The following IMMP2L variants were observed in gnomAD, a reference collection of about 807,000 sequenced individuals.
IMMP2L encodes inner mitochondrial membrane peptidase subunit 2.
Under a neutral mutation model 19.3 loss-of-function variants are expected in IMMP2L, and 18 were observed. The observed-to-expected ratio is 0.93, with a 90% CI of 0.64 to 1.38. IMMP2L has a LOEUF of 1.38. Ranked by LOEUF, IMMP2L falls within the 40% of genes most tolerant of loss-of-function variation. IMMP2L has a pLI of 0.00. For synonymous variants in IMMP2L, 76 were observed against 73.0 expected (o/e 1.04, Z -0.21); for missense variants, 233 against 218.2 (o/e 1.07, Z -0.43).
chr7:111,232,255 T>C (rs955319364), intron 3 of IMMP2L, among the ~76,000 whole-genome samples: 1 of 151,884 alleles, frequency 6.6e-6, no homozygotes, highest in African/African-American at 2.4e-5. Context: ...CTTAGACTCA[T>C]GTATAGAATG....
At chr7:111,191,908 T>A (rs1003873100) in intron 3 of IMMP2L, among the ~76,000 whole-genome samples, 2 of 152,038 alleles carry the variant, frequency 1.3e-5, no homozygotes, top group African/African-American at 4.8e-5. Flanking sequence ...AGGAACTATG[T>A]AGTAGACGCA....
At chr7:111,489,875 AT>A (rs905550114) in intron 2 of IMMP2L, among the ~76,000 whole-genome samples, 15 of 151,470 alleles carry the variant, frequency 9.9e-5, no homozygotes, top group African/African-American at 2.9e-4. Flanking sequence ...CAACAAATAA[AT>A]TTTTTTTTGA....
chr7:110,779,230 AAAGG>A lies in IMMP2L; in HGVS notation c.408+107359_408+107362del, dbSNP rs1469870598. ...ACAGTCTGATATATAAGTAACAAAT[AAAGG>A]AAGAGATTCTACTAGTTATTCTTAT... On this transcript the variant is annotated intron_variant, in intron 5 of 5. Coordinates refer to ENST00000405709, the MANE Select transcript of IMMP2L (RefSeq NM_032549.4). Among the ~76,000 whole-genome samples the A allele has an allele frequency of 4.6e-5, 7 of 151,730 alleles. No homozygotes were observed. The East Asian group carries it at 1.4e-3, about 29-fold the overall frequency.
At chr7:110,674,357 A>G (rs746510748) in intron 5 of IMMP2L, among the ~76,000 whole-genome samples, 1 of 152,148 alleles carries the variant, frequency 6.6e-6, no homozygotes, top group Non-Finnish European at 1.5e-5. Flanking sequence ...AATTCAAGAT[A>G]TGATTTGGGT....
chr7:111,511,323 T>A (rs933017044), intron 2 of IMMP2L, among the ~76,000 whole-genome samples: 2 of 151,980 alleles, frequency 1.3e-5, no homozygotes, highest in Admixed American at 1.3e-4. Flanking sequence ...TAGGGAATCC[T>A]GCAACCTGTA....
chr7:110,830,673 T>C (rs1229734047), intron 5 of IMMP2L, among the ~76,000 whole-genome samples: 1 of 152,072 alleles, frequency 6.6e-6, no homozygotes, highest in Non-Finnish European at 1.5e-5. Context: ...TTGAGAGTCA[T>C]AGTATGGAAT....
At chr7:110,835,304 T>C (rs948753317) in intron 5 of IMMP2L, among the ~76,000 whole-genome samples, 1 of 152,186 alleles carries the variant, frequency 6.6e-6, no homozygotes, top group Non-Finnish European at 1.5e-5. Flanking sequence ...TCATTATATG[T>C]TAAAGAATAA....
rs149117645 is a variant in IMMP2L at position 110,868,780 on chromosome 7, T to C, written c.408+17813A>G. On this transcript the variant is annotated intron_variant, in intron 5 of 5. Transcript: ENST00000405709. Reference sequence around the variant, plus strand: ...TATCTGGTGCTTTTTACACATACAATTTTCCTTGAATCCACTAGCCTGTCT... The same window carrying C: ...TATCTGGTGCTTTTTACACATACAACTTTCCTTGAATCCACTAGCCTGTCT... 5.8e-3 allele frequency among the ~76,000 whole-genome samples: 888 copies of C among 152,172 alleles called. 6 individuals carry two copies. The highest frequency in any genetic ancestry group is 0.021 in the African/African-American group (857 of 41,534).
intron 5 of IMMP2L, among the ~76,000 whole-genome samples, chr7:110,673,544 A>C (rs1462560965): frequency 3.9e-5 from 6 of 152,220 alleles, no homozygotes; most frequent in African/African-American, 1.4e-4. Context: ...ATCAGGCTGC[A>C]AATTCTCCAA....
At position 110,969,118 on chromosome 7, in the gene IMMP2L, AGGT is replaced by A. The variant is rs1819869698; in HGVS notation, c.240-5556_240-5554del. On this transcript the variant is annotated intron_variant, in intron 3 of 5. Coordinates refer to ENST00000405709, the MANE Select transcript of IMMP2L (RefSeq NM_032549.4). Reference sequence around the variant, plus strand: ...TAACTGAATCCATATTGAAAAGCACAGGTTTATTTTAAATTAGATAGGTATTAT... The same window carrying A: ...TAACTGAATCCATATTGAAAAGCACATTATTTTAAATTAGATAGGTATTAT... 2.6e-5 allele frequency among the ~76,000 whole-genome samples: 4 copies of A among 152,238 alleles called. No individual in the cohort carries two copies. In the South Asian group the frequency reaches 8.3e-4, roughly 32 times the overall value.
At chr7:111,079,457 T>C (rs1795705033) in intron 3 of IMMP2L, among the ~76,000 whole-genome samples, 1 of 152,210 alleles carries the variant, frequency 6.6e-6, no homozygotes, top group Non-Finnish European at 1.5e-5. Flanking sequence ...ACTATACAAA[T>C]TGGCATTTAC....
At chr7:111,002,146 T>G (rs1398750327) in intron 3 of IMMP2L, among the ~76,000 whole-genome samples, 4 of 151,986 alleles carry the variant, frequency 2.6e-5, no homozygotes, top group Non-Finnish European at 5.9e-5. Flanking sequence ...ATGAAGAGAC[T>G]CTCTGAGGTA....
intron 5 of IMMP2L, among the ~76,000 whole-genome samples, chr7:110,813,591 C>T (rs1483289583): frequency 2.6e-5 from 4 of 151,752 alleles, no homozygotes; most frequent in African/African-American, 9.7e-5. Context: ...CCACACCTGG[C>T]CTATTTTTTC....
At chr7:110,737,467 T>G (rs1417616398) in intron 5 of IMMP2L, among the ~76,000 whole-genome samples, 3 of 152,124 alleles carry the variant, frequency 2.0e-5, no homozygotes, top group Non-Finnish European at 2.9e-5. Flanking sequence ...GGAATATAAC[T>G]GCATTGGACT....
At chr7:111,107,209 C>T (rs1028246542) in intron 3 of IMMP2L, among the ~76,000 whole-genome samples, 1 of 151,928 alleles carries the variant, frequency 6.6e-6, no homozygotes, top group Admixed American at 6.6e-5. Context: ...TTCCTTCTCT[C>T]TTTCCTCTCC....
intron 3 of IMMP2L, among the ~76,000 whole-genome samples, chr7:111,419,162 G>A (rs189220657): frequency 2.3e-3 from 349 of 151,652 alleles, no homozygotes; most frequent in Non-Finnish European, 4.1e-3. Flanking sequence ...GTAGAATAAT[G>A]TTATTCCAAT....
At chr7:110,718,304 G>T (rs557253228) in intron 5 of IMMP2L, among the ~76,000 whole-genome samples, 8 of 152,168 alleles carry the variant, frequency 5.3e-5, no homozygotes, top group Non-Finnish European at 8.8e-5. Flanking sequence ...TTTTAAAAGG[G>T]TTAGAAGTGA....
chr7:111,360,003 T>C (rs1829106953), intron 3 of IMMP2L, among the ~76,000 whole-genome samples: 1 of 152,144 alleles, frequency 6.6e-6, no homozygotes, highest in Admixed American at 6.6e-5. Context: ...GAATTTCTTT[T>C]CTATTGGTTT....
intron 3 of IMMP2L, among the ~76,000 whole-genome samples, chr7:111,366,203 T>C (rs369190939): frequency 1.3e-5 from 2 of 151,814 alleles, no homozygotes; most frequent in Non-Finnish European, 1.5e-5. Context: ...ACCAGATAAA[T>C]ACTGAGAGCT....
Sources: allele counts gnomAD v4.1 joint callset (sites outside exome capture counted in the v4.1 genomes callset), GRCh38; gene constraint gnomAD v4.1.1; transcripts MANE v1.5; gene names NCBI Gene and HGNC (gene_info 2026-07-23, HGNC 2026-07-21).